TFEC: variants seen among roughly 807,000 people sequenced by gnomAD.
TFEC encodes transcription factor EC.
In TFEC, 31 loss-of-function variants were observed where a neutral mutation model predicts 41.6. The ratio of observed to expected loss-of-function variants is 0.74; its 90% CI spans 0.56 to 1.01. TFEC has a LOEUF of 1.01. Among genes scored for constraint, TFEC ranks in the 50% least tolerant of loss-of-function variants. TFEC has a pLI of 0.00. For synonymous variants in TFEC, 143 were observed against 140.6 expected, an observed-to-expected ratio of 1.02 and a Z score of -0.12; for missense variants, 402 against 404.1, an observed-to-expected ratio of 0.99 and a Z score of 0.04.
chr7:116,043,401 C>A (rs1796087011), intron 3 of TFEC, among the ~76,000 whole-genome samples: 1 of 151,888 alleles, frequency 6.6e-6, no homozygotes, highest in South Asian at 2.1e-4. Flanking sequence ...GAACTACAAG[C>A]AAAGGTCATA....
intron 1 of TFEC, among the ~76,000 whole-genome samples, chr7:116,149,191 AAGTT>A (rs1268193141): frequency 6.6e-6 from 1 of 152,166 alleles, no homozygotes; most frequent in Non-Finnish European, 1.5e-5. Context: ...ACCATCAAAA[AAGTT>A]AGTTATTAGA....
At chr7:116,091,266 T>C (rs977504728) in intron 3 of TFEC, among the ~76,000 whole-genome samples, 12 of 152,070 alleles carry the variant, frequency 7.9e-5, no homozygotes, top group East Asian at 1.9e-4. Flanking sequence ...CATTGAATAA[T>C]AGAGCATTAG....
At chr7:116,041,049 C>T (rs997343520) in intron 3 of TFEC, among the ~76,000 whole-genome samples, 3 of 152,070 alleles carry the variant, frequency 2.0e-5, no homozygotes, top group Non-Finnish European at 4.4e-5. Flanking sequence ...ATATCTATCT[C>T]CTGTCATGAC....
intron 1 of TFEC, among the ~76,000 whole-genome samples, chr7:116,014,454 G>A (rs893414061): frequency 6.6e-6 from 1 of 151,618 alleles, no homozygotes; most frequent in African/African-American, 2.4e-5. Flanking sequence ...CCAAAATTCT[G>A]TTTTCCATAC....
At chr7:116,122,190 G>C (rs1020258109) in intron 1 of TFEC, among the ~76,000 whole-genome samples, 2 of 152,050 alleles carry the variant, frequency 1.3e-5, no homozygotes, top group African/African-American at 4.8e-5. Context: ...TGCACTTTAA[G>C]CCTTTACTGT....
intron 3 of TFEC, among the ~76,000 whole-genome samples, chr7:116,058,607 A>G (rs1407841200): frequency 6.6e-6 from 1 of 151,806 alleles, no homozygotes; most frequent in African/African-American, 2.4e-5. Flanking sequence ...TCATGTGCAC[A>G]TGGGAAATTG....
intron 1 of TFEC, among the ~76,000 whole-genome samples, chr7:116,014,235 C>A (rs1356572777): frequency 2.0e-5 from 3 of 151,900 alleles, no homozygotes; most frequent in African/African-American, 7.3e-5. Context: ...GCATAAATAT[C>A]ATGATTATGC....
intron 3 of TFEC, among the ~76,000 whole-genome samples, chr7:116,059,570 T>C (rs1308065622): frequency 6.6e-6 from 1 of 151,954 alleles, no homozygotes; most frequent in Non-Finnish European, 1.5e-5. Flanking sequence ...TTTGCGAGCA[T>C]AAATGGAATA....
chr7:116,051,811 T>C (rs1482309712), intron 3 of TFEC, among the ~76,000 whole-genome samples: 2 of 152,076 alleles, frequency 1.3e-5, no homozygotes, highest in African/African-American at 4.8e-5. Flanking sequence ...TGATTTAATT[T>C]TCCTCAGAAT....
intron 3 of TFEC, among the ~76,000 whole-genome samples, chr7:115,966,736 T>A (rs572312629): frequency 6.6e-6 from 1 of 151,842 alleles, no homozygotes; most frequent in African/African-American, 2.4e-5. Flanking sequence ...TAAAAAAAGT[T>A]ACAAGGCATT....
At chr7:115,996,443 G>A (rs566821765) in intron 1 of TFEC, among the ~76,000 whole-genome samples, 63 of 152,164 alleles carry the variant, frequency 4.1e-4, no homozygotes, top group African/African-American at 1.3e-3. Context: ...GGCAGTACTT[G>A]TGATGGGCCT....
At chr7:115,941,765 TA>T in intron 7 of TFEC, 127 bp downstream of exon 7, 1 of 1,313,144 alleles carries the variant, frequency 7.6e-7, no homozygotes, top group Non-Finnish European at 1.0e-6. Flanking sequence ...TAAAAAGCAG[TA>T]AAATTATCCT....
intron 3 of TFEC, among the ~76,000 whole-genome samples, chr7:116,094,242 T>C (rs955327505): frequency 4.6e-5 from 7 of 152,186 alleles, no homozygotes; most frequent in Non-Finnish European, 1.0e-4. Flanking sequence ...AAAGTCAGAA[T>C]TGGTTTGAAG....
chr7:116,116,377 C>A (rs1797988578), intron 1 of TFEC, among the ~76,000 whole-genome samples: 1 of 151,616 alleles, frequency 6.6e-6, no homozygotes, highest in Non-Finnish European at 1.5e-5. Flanking sequence ...CCCATAAAAC[C>A]AAACTAAAAC....
chr7:115,984,153 G>T, intron 2 of TFEC, 109 bp downstream of exon 2: 1 of 1,340,618 alleles, frequency 7.5e-7, no homozygotes, highest in Non-Finnish European at 1.0e-6. Flanking sequence ...CATTTCTTTT[G>T]TTACATTTGC....
intron 6 of TFEC, among the ~76,000 whole-genome samples, chr7:115,943,505 A>G (rs1034220789): frequency 1.3e-5 from 2 of 151,898 alleles, no homozygotes; most frequent in East Asian, 1.9e-4. Context: ...ATGGTAGTAG[A>G]GAACACACAA....
Position 116,045,683 on chromosome 7 carries a change from C to T in TFEC, c.199-61170G>A, listed in dbSNP as rs574056610. 2.5e-3 allele frequency among the ~76,000 whole-genome samples: 382 copies of T among 152,370 alleles called. 2 individuals are homozygous for T. Among genetic ancestry groups the T allele is most frequent in the Non-Finnish European group, 4.4e-3 (299 of 68,040 alleles). The stretch of plus-strand genomic sequence containing the variant: ...GAAATGCGGGGTTTGAGCCCCCACA[C>T]AGAGTCCCTCCTGGGGCACTGCCTA... On this transcript the variant is annotated intron_variant, in intron 3 of 8. Coordinates refer to the TFEC transcript ENST00000484212.
At chr7:116,146,932 T>A (rs1384129288) in intron 1 of TFEC, among the ~76,000 whole-genome samples, 1 of 152,132 alleles carries the variant, frequency 6.6e-6, no homozygotes, top group Non-Finnish European at 1.5e-5. Flanking sequence ...CAAAATAAAA[T>A]TTTTTGAAGT....
chr7:115,977,811 A>C (rs1001447252), intron 2 of TFEC, among the ~76,000 whole-genome samples: 2 of 152,034 alleles, frequency 1.3e-5, no homozygotes, highest in African/African-American at 4.8e-5. Flanking sequence ...CAATTCAGAA[A>C]GGTGGGTGAC....
Sources: gnomAD v4.1 joint callset for allele counts (sites outside exome capture counted in the v4.1 genomes callset) on GRCh38, gnomAD v4.1.1 for gene constraint, MANE v1.5 for transcripts, NCBI Gene and HGNC (gene_info 2026-07-23, HGNC 2026-07-21) for gene names.